Variants in RIPOR2 observed in about 807,000 individuals in gnomAD.
The protein encoded by RIPOR2 is RHO family interacting cell polarization regulator 2.
In RIPOR2, 39 loss-of-function variants were observed where a neutral mutation model predicts 114.5. That is an observed-to-expected ratio of 0.34 (90% CI 0.26 to 0.44). The LOEUF (loss-of-function observed/expected upper bound fraction) is 0.44. RIPOR2 is among the 20% of genes least tolerant of loss of function. The pLI is 1.00. For missense variants in RIPOR2, 1,007 were observed against 1,255.1 expected, an observed-to-expected ratio of 0.80 and a Z score of 2.99; for synonymous variants, 445 against 484.4, an observed-to-expected ratio of 0.92 and a Z score of 1.07.
At chr6:25,022,997 A>G (rs1346691283) in intron 1 of RIPOR2, among the ~76,000 whole-genome samples, 1 of 149,158 alleles carries the variant, frequency 6.7e-6, no homozygotes, top group Non-Finnish European at 1.5e-5. Flanking sequence ...AGAGCAGTCA[A>G]TTTTTTTTTT....
chr6:24,927,523 C>G (rs1251174846), intron 1 of RIPOR2, among the ~76,000 whole-genome samples: 1 of 151,906 alleles, frequency 6.6e-6, no homozygotes, highest in Non-Finnish European at 1.5e-5. Context: ...ACCAATACCA[C>G]TACCACCACT....
intron 1 of RIPOR2, among the ~76,000 whole-genome samples, chr6:24,886,657 G>A (rs1185889480): frequency 1.3e-5 from 2 of 152,206 alleles, no homozygotes; most frequent in Non-Finnish European, 2.9e-5. Flanking sequence ...GTGATACCAC[G>A]TAAGTGACAT....
chr6:25,022,555 T>TTTTTTTTTTTTTTTTTA, intron 1 of RIPOR2, among the ~76,000 whole-genome samples: 1 of 117,782 alleles, frequency 8.5e-6, no homozygotes, highest in Non-Finnish European at 1.7e-5. Flanking sequence ...TTTTTTTTTT[T>TTTTTTTTTTTTTTTTTA]TTTTTTTTTT....
intron 1 of RIPOR2, among the ~76,000 whole-genome samples, chr6:24,891,882 AG>A (rs1387927160): frequency 6.6e-6 from 1 of 152,038 alleles, no homozygotes; most frequent in Non-Finnish European, 1.5e-5. Flanking sequence ...TTTTTGAGAC[AG>A]GGTTTTGCTT....
intron 13 of RIPOR2, among the ~76,000 whole-genome samples, chr6:24,841,714 C>A (rs566938599): frequency 4.6e-5 from 7 of 151,106 alleles, no homozygotes; most frequent in Non-Finnish European, 1.0e-4. Context: ...GCCTCCTTGG[C>A]TCAAGCGATT....
intron 1 of RIPOR2, among the ~76,000 whole-genome samples, chr6:25,018,126 G>A (rs1402909829): frequency 2.6e-5 from 4 of 152,258 alleles, no homozygotes; most frequent in Middle Eastern, 3.4e-3. Flanking sequence ...TTCAAAGTCT[G>A]AAGGGTTTCA....
intron 5 of RIPOR2, among the ~76,000 whole-genome samples, chr6:24,869,464 C>A (rs1380999739): frequency 2.0e-5 from 3 of 151,824 alleles, no homozygotes; most frequent in Admixed American, 1.3e-4. Context: ...ATTACAGGTG[C>A]CCGCCACCAT....
intron 1 of RIPOR2, among the ~76,000 whole-genome samples, chr6:24,922,073 C>T (rs527796002): frequency 5.3e-5 from 8 of 152,120 alleles, no homozygotes; most frequent in East Asian, 1.9e-4. Flanking sequence ...TCAAGTGATC[C>T]GTCCTCCTCG....
intron 20 of RIPOR2, among the ~76,000 whole-genome samples, chr6:24,810,908 G>T (rs1219067869): frequency 6.6e-6 from 1 of 152,010 alleles, no homozygotes; most frequent in African/African-American, 2.4e-5. Flanking sequence ...GGGTTCAAGC[G>T]ATTCTCCTGC....
chr6:24,907,362 T>G (rs1180468773), intron 1 of RIPOR2, among the ~76,000 whole-genome samples: 2 of 152,266 alleles, frequency 1.3e-5, no homozygotes, highest in Non-Finnish European at 2.9e-5. Flanking sequence ...AGCAGCTTCT[T>G]TTCTTCATAG....
chr6:24,850,424 T>C (rs1181317899), intron 10 of RIPOR2, among the ~76,000 whole-genome samples, 173 bp downstream of exon 10: 3 of 152,030 alleles, frequency 2.0e-5, no homozygotes, highest in East Asian at 3.9e-4. Context: ...CAAAAGTGTA[T>C]CTTAGATTGA....
chr6:24,859,876 C>T (rs1473338315), intron 8 of RIPOR2, among the ~76,000 whole-genome samples: 1 of 152,154 alleles, frequency 6.6e-6, no homozygotes. Flanking sequence ...CATTAGCAAC[C>T]CAGGGATCAA....
intron 1 of RIPOR2, chr6:25,023,731 C>T: frequency 1.3e-6 from 1 of 786,262 alleles, no homozygotes; most frequent in Non-Finnish European, 2.3e-6. Context: ...CGACTTCGTT[C>T]AGGTACATGA....
intron 1 of RIPOR2, among the ~76,000 whole-genome samples, chr6:24,910,234 C>G (rs914723928): frequency 1.3e-5 from 2 of 152,126 alleles, no homozygotes; most frequent in South Asian, 4.1e-4. Context: ...CCTTTCTTGC[C>G]CCTCTTCCCA....
intron 1 of RIPOR2, among the ~76,000 whole-genome samples, chr6:24,959,935 T>C (rs1700576446): frequency 6.6e-6 from 1 of 152,206 alleles, no homozygotes; most frequent in Admixed American, 6.5e-5. Context: ...ACCTGGTTTT[T>C]ATCTACATTA....
At chr6:24,824,756 A>C (rs894532332) in intron 19 of RIPOR2, among the ~76,000 whole-genome samples, 3 of 152,200 alleles carry the variant, frequency 2.0e-5, no homozygotes, top group Non-Finnish European at 2.9e-5. Flanking sequence ...ACATATACAC[A>C]CACATATGTT....
At chr6:24,989,403 T>G (rs1774687019) in intron 1 of RIPOR2, among the ~76,000 whole-genome samples, 1 of 151,812 alleles carries the variant, frequency 6.6e-6, no homozygotes, top group African/African-American at 2.4e-5. Flanking sequence ...TTGAGTGATT[T>G]TCCTGCCTCA....
At chr6:25,002,216 T>C (rs1405212975) in intron 1 of RIPOR2, among the ~76,000 whole-genome samples, 1 of 152,252 alleles carries the variant, frequency 6.6e-6, no homozygotes, top group Non-Finnish European at 1.5e-5. Context: ...GTAAATGGCA[T>C]TTAAAACAAA....
intron 11 of RIPOR2, 129 bp downstream of exon 11, chr6:24,849,673 G>T (rs2113771464): frequency 1.2e-6 from 1 of 819,526 alleles, no homozygotes; most frequent in Non-Finnish European, 2.0e-6. Context: ...GTAGTCCTGG[G>T]GTGGGGCCCG....
Sources: allele counts gnomAD v4.1 joint callset (sites outside exome capture counted in the v4.1 genomes callset), GRCh38; gene constraint gnomAD v4.1.1; transcripts MANE v1.5; gene names NCBI Gene and HGNC (gene_info 2026-07-23, HGNC 2026-07-21).